Variants in CNTN1 observed in about 807,000 individuals in gnomAD.
The protein encoded by CNTN1 is contactin-1.
CNTN1 carries 38 observed loss-of-function variants against 126.4 expected under a neutral mutation model. The ratio of observed to expected loss-of-function variants is 0.30; its 90% CI spans 0.23 to 0.39. CNTN1 has a LOEUF of 0.39. Ranked by LOEUF, CNTN1 falls within the 10% of genes least tolerant of loss-of-function variation. The pLI is 1.00. For missense variants in CNTN1, 1,009 were observed against 1,248.4 expected, an observed-to-expected ratio of 0.81 and a Z score of 2.89; for synonymous variants, 413 against 422.6, an observed-to-expected ratio of 0.98 and a Z score of 0.28.
At chr12:40,873,497 G>C (rs984910208) in intron 1 of CNTN1, among the ~76,000 whole-genome samples, 3 of 152,060 alleles carry the variant, frequency 2.0e-5, no homozygotes, top group Non-Finnish European at 4.4e-5. Flanking sequence ...ATATTGGTTT[G>C]ATTGCTAAAA....
intron 1 of CNTN1, among the ~76,000 whole-genome samples, chr12:40,705,840 A>G (rs1365080104): frequency 6.6e-6 from 1 of 152,170 alleles, no homozygotes; most frequent in Non-Finnish European, 1.5e-5. Context: ...GTAAAGAGGG[A>G]GCAGGTATCT....
At chr12:41,036,874 G>T (rs1268349312) in intron 23 of CNTN1, among the ~76,000 whole-genome samples, 1 of 152,106 alleles carries the variant, frequency 6.6e-6, no homozygotes, top group African/African-American at 2.4e-5. Context: ...AAACAGCAAT[G>T]CCTGCATTTT....
chr12:40,931,951 G>GT (rs1454166321), intron 7 of CNTN1, among the ~76,000 whole-genome samples: 2 of 151,888 alleles, frequency 1.3e-5, no homozygotes, highest in African/African-American at 4.8e-5. Flanking sequence ...TGTTTTCACT[G>GT]TAACTATGCC....
At chr12:40,870,010 C>G (rs1401736195) in intron 1 of CNTN1, among the ~76,000 whole-genome samples, 3 of 152,084 alleles carry the variant, frequency 2.0e-5, no homozygotes, top group African/African-American at 7.2e-5. Flanking sequence ...TCATGCTGTT[C>G]TCATGATAGT....
At chr12:40,731,693 A>G (rs903550121) in intron 1 of CNTN1, among the ~76,000 whole-genome samples, 3 of 152,000 alleles carry the variant, frequency 2.0e-5, no homozygotes, top group Non-Finnish European at 2.9e-5. Context: ...TCAACTGCAG[A>G]AAATTAATAT....
At chr12:40,856,171 T>C (rs1237524274) in intron 1 of CNTN1, among the ~76,000 whole-genome samples, 1 of 152,100 alleles carries the variant, frequency 6.6e-6, no homozygotes, top group Non-Finnish European at 1.5e-5. Context: ...AAGTTAATTA[T>C]CTAAAATCTT....
intron 1 of CNTN1, among the ~76,000 whole-genome samples, chr12:40,897,067 T>A (rs1944438036): frequency 6.6e-6 from 1 of 152,234 alleles, no homozygotes; most frequent in Admixed American, 6.5e-5. Context: ...AATGTTTTTA[T>A]CTTTTAATTT....
intron 1 of CNTN1, among the ~76,000 whole-genome samples, chr12:40,757,651 A>G (rs938029697): frequency 3.9e-5 from 6 of 152,168 alleles, no homozygotes; most frequent in Non-Finnish European, 8.8e-5. Context: ...ACAACCTTCC[A>G]TAGATTTTCA....
chr12:41,064,402 T>A (rs1950006580), intron 23 of CNTN1, among the ~76,000 whole-genome samples: 1 of 152,214 alleles, frequency 6.6e-6, no homozygotes, highest in East Asian at 1.9e-4. Context: ...GCCCAGCTTA[T>A]GCCATTGTTT....
intron 1 of CNTN1, among the ~76,000 whole-genome samples, chr12:40,882,173 T>C (rs1234117420): frequency 6.6e-6 from 1 of 151,710 alleles, no homozygotes; most frequent in Non-Finnish European, 1.5e-5. Flanking sequence ...ATCTTGATTA[T>C]GATTGGATAA....
chr12:40,733,632 A>G (rs1047618918), intron 1 of CNTN1, among the ~76,000 whole-genome samples: 11 of 152,006 alleles, frequency 7.2e-5, no homozygotes, highest in African/African-American at 2.7e-4. Flanking sequence ...ACGTTGAACT[A>G]GGAAGGGATT....
intron 16 of CNTN1, among the ~76,000 whole-genome samples, chr12:40,990,181 G>A (rs1030197597): frequency 6.6e-6 from 1 of 152,136 alleles, no homozygotes; most frequent in Non-Finnish European, 1.5e-5. Context: ...TATTCTCGTA[G>A]GTACTGATGT....
intron 1 of CNTN1, among the ~76,000 whole-genome samples, chr12:40,802,831 A>G (rs1183516342): frequency 6.6e-6 from 1 of 152,044 alleles, no homozygotes; most frequent in Non-Finnish European, 1.5e-5. Context: ...CCTGAAAGTC[A>G]GTAAGCAAAA....
intron 15 of CNTN1, 39 bp from the exon 16 acceptor site, chr12:40,980,870 A>C (rs779180112): frequency 1.9e-6 from 3 of 1,595,808 alleles, no homozygotes; most frequent in Non-Finnish European, 1.7e-6. Context: ...GACTCACTAG[A>C]TGGAATTCAC....
chr12:40,922,758 G>A (rs567588183), intron 5 of CNTN1, among the ~76,000 whole-genome samples: 47 of 152,122 alleles, frequency 3.1e-4, no homozygotes, highest in African/African-American at 1.1e-3. Context: ...GGATCATGAG[G>A]TCAGGAGATC....
intron 1 of CNTN1, among the ~76,000 whole-genome samples, chr12:40,712,064 T>C (rs1213905767): frequency 6.6e-6 from 1 of 152,172 alleles, no homozygotes; most frequent in African/African-American, 2.4e-5. Context: ...CACGGTTCTT[T>C]GCCTTGAATT....
At chr12:41,068,413 C>T (rs1426210044) in intron 23 of CNTN1, among the ~76,000 whole-genome samples, 3 of 152,016 alleles carry the variant, frequency 2.0e-5, no homozygotes, top group Non-Finnish European at 1.5e-5. Flanking sequence ...TTTATATTCC[C>T]CTTGTTATCT....
chr12:40,737,359 G>A (rs2034161), intron 1 of CNTN1, among the ~76,000 whole-genome samples: 84,445 of 112,868 alleles, frequency 0.75, 32,305 homozygotes, highest in East Asian at 0.95. Flanking sequence ...ATGTGTGTGT[G>A]TATATATATA....
Position 40,975,181 on chromosome 12 carries a change from TATATATATATATATATATATA to T in CNTN1, c.1805-5727_1805-5707del, listed in dbSNP as rs1947639078. ...CGGTGTCCTTTTGTAAAATGGATTATATATATATATATATATATATATATATATATATATATATATATGTTT... is the reference window on the plus strand; with the variant it reads ...CGGTGTCCTTTTGTAAAATGGATTATTATATATATATATATATATATGTTT... On this transcript the variant is annotated intron_variant, in intron 15 of 23. Transcript: ENST00000551295. Among the ~76,000 whole-genome samples the T allele has an allele frequency of 7.5e-3, 956 of 126,700 alleles. 24 individuals are homozygous for T. The highest frequency in any genetic ancestry group is 0.025 in the African/African-American group (863 of 35,114). The allele number at this position is 126,700 out of a possible 152,430, so 83.1% of individuals were successfully genotyped here.
Sources: gnomAD v4.1 joint callset for allele counts (sites outside exome capture counted in the v4.1 genomes callset) on GRCh38, gnomAD v4.1.1 for gene constraint, MANE v1.5 for transcripts, NCBI Gene and HGNC (gene_info 2026-07-23, HGNC 2026-07-21) for gene names.